Variants in DMD observed in about 807,000 individuals in gnomAD.
DMD encodes the protein dystrophin.
In DMD, 63 loss-of-function variants were observed where a neutral mutation model predicts 330.1. The observed-to-expected ratio is 0.19, with a 90% CI of 0.16 to 0.24. The LOEUF is 0.24. DMD is among the 10% of genes least tolerant of loss of function. The pLI is 1.00. For missense variants in DMD, 3,344 were observed against 2,684.1 expected, an observed-to-expected ratio of 1.25 and a Z score of -5.43; for synonymous variants, 1,223 against 959.8, an observed-to-expected ratio of 1.27 and a Z score of -5.07.
chrX:33,335,614 T>C (rs764279312), intron 1 of DMD, among the ~76,000 whole-genome samples: 13 of 110,873 alleles, frequency 1.2e-4, no homozygotes, highest in Non-Finnish European at 1.9e-4. Context: ...GTTCAATGTA[T>C]TTGTTCTGCT....
intron 4 of DMD, among the ~76,000 whole-genome samples, chrX:32,825,508 C>A (rs2078626851): frequency 8.9e-6 from 1 of 111,887 alleles, no homozygotes; most frequent in Admixed American, 9.5e-5. Context: ...TAGGCTCTAG[C>A]AATTCTACCT....
chrX:33,127,887 A>C (rs1421204956), intron 1 of DMD, among the ~76,000 whole-genome samples: 1 of 111,711 alleles, frequency 9.0e-6, no homozygotes, highest in Non-Finnish European at 1.9e-5. Context: ...CCCAAAAAGT[A>C]GAATATGGGT....
At chrX:32,274,256 G>T (rs1368015662) in intron 43 of DMD, among the ~76,000 whole-genome samples, 2 of 111,653 alleles carry the variant, frequency 1.8e-5, no homozygotes, top group African/African-American at 6.5e-5. Flanking sequence ...AATCATCTAT[G>T]GTGAGGATGA....
intron 45 of DMD, among the ~76,000 whole-genome samples, chrX:31,951,638 T>C (rs750189190): frequency 9.0e-6 from 1 of 111,380 alleles, no homozygotes; most frequent in Non-Finnish European, 1.9e-5. Flanking sequence ...TAGATATTTT[T>C]CTCTGCTAAG....
At chrX:32,212,490 A>G (rs1165629428) in intron 44 of DMD, among the ~76,000 whole-genome samples, 1 of 111,857 alleles carries the variant, frequency 8.9e-6, no homozygotes, top group East Asian at 2.8e-4. Context: ...AGAGAAGAGA[A>G]ATCAGAGACA....
In DMD at chrX:32,770,305, G is replaced by A. The variant is rs147145443; in HGVS notation, c.649+39188C>T. Among the ~76,000 whole-genome samples, 917 of 111,601 alleles carry A rather than the reference G, an allele frequency of 8.2e-3. 13 individuals are homozygous for A. The highest frequency in any genetic ancestry group is 0.028 in the African/African-American group (864 of 30,730). ...CTAAGAGAGGGAACTGTAATTATCT[G>A]GGCAGCAGTTTTGGGGGATCATCCA... is the stretch of plus-strand genomic sequence containing the variant. On this transcript the variant is annotated intron_variant, in intron 7 of 78. Transcript: ENST00000357033.
intron 37 of DMD, among the ~76,000 whole-genome samples, chrX:32,360,234 C>A (rs1210051538): frequency 8.9e-6 from 1 of 112,125 alleles, no homozygotes; most frequent in Non-Finnish European, 1.9e-5. Flanking sequence ...AAGCAAGGAT[C>A]TTTATACCCT....
chrX:32,543,708 G>GT (rs2048704148), intron 17 of DMD, among the ~76,000 whole-genome samples: 1 of 111,312 alleles, frequency 9.0e-6, no homozygotes, highest in Non-Finnish European at 1.9e-5. Context: ...TATTACCATC[G>GT]TGAGTAGAGT....
In DMD at chrX:31,348,585, A is replaced by T; in HGVS notation, c.9134T>A (p.Phe3045Tyr). ...AAGAAAGTGCTGAGATGCTGGACCAAAGTCCCTGTGGGCTTCATGCAGCTG... is the reference window on the plus strand; with the variant it reads ...AAGAAAGTGCTGAGATGCTGGACCATAGTCCCTGTGGGCTTCATGCAGCTG... Reference protein sequence around the residue: ...VRQLHEAHRDFGPASQHFLST... With the variant: ...VRQLHEAHRDYGPASQHFLST... Residue 3045 changes from phenylalanine (F) to tyrosine (Y), a missense_variant, in exon 61 of 79, where the codon TTT becomes TAT. Physicochemically the swap from Phe to Tyr is conservative, Grantham distance 22 (BLOSUM62 3). Coordinates refer to ENST00000357033, the MANE Select transcript of DMD (RefSeq NM_004006.3). 2 of 1,211,476 alleles carry T rather than the reference A, an allele frequency of 1.7e-6. No individual in the cohort carries two copies. Among genetic ancestry groups the T allele is most frequent in the Non-Finnish European group, 2.2e-6 (2 of 895,291 alleles).
chrX:31,200,400 C>G (rs149375804), intron 67 of DMD, among the ~76,000 whole-genome samples: 1 of 111,366 alleles, frequency 9.0e-6, no homozygotes, highest in Non-Finnish European at 1.9e-5. Context: ...ACTTTAAGGG[C>G]GCAAATAAAT....
chrX:33,115,070 T>C (rs1035238278), intron 1 of DMD, among the ~76,000 whole-genome samples: 1 of 112,544 alleles, frequency 8.9e-6, no homozygotes, highest in East Asian at 2.8e-4. Flanking sequence ...ATTGAAAACA[T>C]GTAGTAAAGC....
intron 1 of DMD, among the ~76,000 whole-genome samples, chrX:33,324,084 A>T (rs1034147565): frequency 9.0e-6 from 1 of 111,685 alleles, no homozygotes; most frequent in Non-Finnish European, 1.9e-5. Flanking sequence ...ATATAAAATT[A>T]AATGAGGAAA....
In DMD at chrX:32,468,676, C is replaced by A. The variant is rs2148460524; in HGVS notation, c.2984G>T (p.Gly995Val). 1 of 1,210,947 alleles carries A rather than the reference C, an allele frequency of 8.3e-7. No individual in the cohort carries two copies. Among genetic ancestry groups the A allele is most frequent in the Non-Finnish European group, 1.1e-6 (1 of 895,132 alleles). The change falls in exon 23 of 79, where the codon GGC becomes GTC. Residue 995 changes from glycine to valine, a missense_variant. Physicochemically the swap from Gly to Val is moderately radical, Grantham distance 109. Coordinates refer to ENST00000357033, the MANE Select transcript of DMD (RefSeq NM_004006.3). Reference protein sequence around the residue: ...LQSSLQEQQSGLYYLSTTVKE... With the variant: ...LQSSLQEQQSVLYYLSTTVKE... The stretch of plus-strand genomic sequence containing the variant: ...CACAGTGGTGCTGAGATAGTATAGG[C>A]CACTTTGTTGCTCTTGCAGAGAACT...
At chrX:31,415,890 T>TG (rs1835752319) in intron 60 of DMD, among the ~76,000 whole-genome samples, 1 of 111,163 alleles carries the variant, frequency 9.0e-6, no homozygotes, top group African/African-American at 3.3e-5. Flanking sequence ...CAGGGGATTC[T>TG]GATATGTGGT....
intron 8 of DMD, among the ~76,000 whole-genome samples, 191 bp downstream of exon 8, chrX:32,698,921 T>C (rs1482840763): frequency 9.0e-6 from 1 of 110,529 alleles, no homozygotes; most frequent in Admixed American, 9.7e-5. Context: ...TGTTTTGAAA[T>C]GAATATTGTA....
intron 44 of DMD, among the ~76,000 whole-genome samples, chrX:32,175,401 A>C (rs769950355): frequency 1.8e-5 from 2 of 110,882 alleles, no homozygotes; most frequent in Non-Finnish European, 3.8e-5. Context: ...GGAACATGGG[A>C]GGGGACAGTA....
intron 55 of DMD, among the ~76,000 whole-genome samples, chrX:31,577,247 C>T (rs931353716): frequency 5.3e-5 from 6 of 112,493 alleles, no homozygotes; most frequent in African/African-American, 1.9e-4. Context: ...AATAGGCATT[C>T]GTTGTGATAT....
Position 32,355,484 on chromosome X carries a change from T to A in DMD, c.5326-6956A>T, listed in dbSNP as rs1401618427. Reference sequence around the variant, plus strand: ...ACAATCAAGATTCACCAAATAGCTTTAATTATTTCAAATGTTATGCTAACA... The same window carrying A: ...ACAATCAAGATTCACCAAATAGCTTAAATTATTTCAAATGTTATGCTAACA... On this transcript the variant is annotated intron_variant, in intron 37 of 78. Coordinates refer to ENST00000357033, the MANE Select transcript of DMD (RefSeq NM_004006.3). Among the ~76,000 whole-genome samples, 3 of 111,926 alleles carry A rather than the reference T, an allele frequency of 2.7e-5. No individual in the cohort carries two copies. In the Admixed American group the frequency reaches 2.8e-4, roughly 11 times the overall value.
chrX:33,159,110 T>G (rs986921825), intron 1 of DMD: 4 of 111,903 alleles, frequency 3.6e-5, no homozygotes, highest in Non-Finnish European at 7.5e-5. Flanking sequence ...TAGCTAACAT[T>G]CAAAACTAGG....
Sources: gnomAD v4.1 joint callset for allele counts (sites outside exome capture counted in the v4.1 genomes callset) on GRCh38, gnomAD v4.1.1 for gene constraint, MANE v1.5 for transcripts, NCBI Gene and HGNC (gene_info 2026-07-23, HGNC 2026-07-21) for gene names.